CACHD1: variants seen among roughly 807,000 people sequenced by gnomAD.
CACHD1 encodes VWFA and cache domain-containing protein 1.
Under a neutral mutation model 138.7 loss-of-function variants are expected in CACHD1, and 71 were observed. That is an observed-to-expected ratio of 0.51 (90% CI 0.42 to 0.62). The LOEUF (loss-of-function observed/expected upper bound fraction) is 0.62. Among genes scored for constraint, CACHD1 ranks in the 20% least tolerant of loss-of-function variants. CACHD1 has a pLI of 0.00. For synonymous variants in CACHD1, 578 were observed against 591.5 expected (o/e 0.98, Z 0.33); for missense variants, 1,389 against 1,625.3 (o/e 0.85, Z 2.50).
At chr1:64,594,228 T>A (rs977500103) in intron 3 of CACHD1, among the ~76,000 whole-genome samples, 1 of 144,036 alleles carries the variant, frequency 6.9e-6, no homozygotes, top group Non-Finnish European at 1.5e-5. Context: ...CACTCCAGCC[T>A]GGGCAGCAAG....
intron 3 of CACHD1, among the ~76,000 whole-genome samples, chr1:64,601,799 C>T (rs564782514): frequency 1.3e-5 from 2 of 152,254 alleles, no homozygotes; most frequent in East Asian, 1.9e-4. Flanking sequence ...TTAGTGGTTC[C>T]TGAAGTTTAC....
intron 2 of CACHD1, among the ~76,000 whole-genome samples, chr1:64,571,729 C>CT (rs139468268): frequency 0.037 from 5,582 of 152,314 alleles, 130 homozygotes; most frequent in Middle Eastern, 0.085. Flanking sequence ...CAGTTATCCT[C>CT]TAACGGGAGG....
At chr1:64,599,599 A>G (rs905723145) in intron 3 of CACHD1, among the ~76,000 whole-genome samples, 8 of 152,330 alleles carry the variant, frequency 5.3e-5, no homozygotes, top group Non-Finnish European at 4.4e-5. Context: ...CAAGTACCAC[A>G]TGGTGAAACT....
At chr1:64,496,736 G>A (rs946303813) in intron 1 of CACHD1, among the ~76,000 whole-genome samples, 3 of 151,968 alleles carry the variant, frequency 2.0e-5, no homozygotes, top group Admixed American at 6.6e-5. Context: ...AGCCAACCTC[G>A]GAAAGCTTTA....
intron 4 of CACHD1, among the ~76,000 whole-genome samples, chr1:64,618,892 G>A (rs1458577945): frequency 6.6e-6 from 1 of 152,068 alleles, no homozygotes; most frequent in African/African-American, 2.4e-5. Context: ...TTTTCTGAGT[G>A]GTGTTGGGCT....
rs776209593 is a variant in CACHD1, at chr1:64,666,048, C to T, written c.2277-9C>T. The T allele has an allele frequency of 6.3e-5, 92 of 1,460,950 alleles. No individual in the cohort carries two copies. The East Asian group carries it at 1.8e-3, about 28-fold the overall frequency. 90.5% of individuals were successfully genotyped at this position (1,460,950 alleles called of 1,614,324 possible). A position where few individuals can be genotyped will look rare whatever the true frequency, so the allele number is the denominator to read the frequency against. ...ATAAAATAACATGACTTTCTTTGGT[C>T]TCCATTAGGTATCTCCATGCAGTAG... On this transcript the variant is annotated splice_polypyrimidine_tract_variant and intron_variant, in intron 15 of 26. Coordinates refer to ENST00000651257, the MANE Select transcript of CACHD1 (RefSeq NM_020925.4).
chr1:64,589,985 C>T (rs535239400), intron 3 of CACHD1, among the ~76,000 whole-genome samples: 3 of 152,170 alleles, frequency 2.0e-5, no homozygotes, highest in South Asian at 4.2e-4. Flanking sequence ...AACTTTCTAC[C>T]GTATTCTCCT....
At position 64,653,761 on chromosome 1, in the gene CACHD1, A is replaced by G. The variant is rs1649177530; in HGVS notation, c.1544A>G (p.Tyr515Cys). ...SYTFLIDDKG[Y>C]TLMHPSLTRP... ...GCATTTTGTTTTCTTATTGCAGGAT[A>G]TACACTTATGCACCCATCTCTTACC... is the stretch of plus-strand genomic sequence containing the variant. Residue 515 changes from tyrosine (Y) to cysteine (C), a missense_variant, in exon 11 of 27, where the codon TAT (tyrosine) becomes TGT (cysteine). Transcript: ENST00000651257. The G allele has an allele frequency of 6.2e-7, 1 of 1,611,768 alleles. No homozygotes were observed. The highest frequency in any genetic ancestry group is 8.5e-7 in the Non-Finnish European group (1 of 1,178,718).
rs749644576 is a variant in CACHD1 at position 64,652,260 on chromosome 1, C to T, written c.1490C>T (p.Thr497Met). Residue 497 changes from threonine (T) to methionine (M), a missense_variant, in exon 10 of 27, where the codon ACG becomes ATG. By Grantham distance (81) the Thr-to-Met change is moderately conservative. This residue lies in a region of CACHD1 where 1,000 missense variants were observed against 1,114.7 expected (regional missense o/e 0.90). Transcript: ENST00000651257. ...CTGGCTTACATTCTTGAAGACGTGA[C>T]GTATTACCAAGACTCTTTGGCTTCC... ...VNLAYILEDV[T>M]YYQDSLASYT... 8.7e-6 allele frequency: 14 copies of T among 1,613,470 alleles called. No individual in the cohort carries two copies. The highest frequency in any genetic ancestry group is 1.2e-5 in the Non-Finnish European group (14 of 1,179,626).
chr1:64,599,536 G>C (rs1647193466), intron 3 of CACHD1, among the ~76,000 whole-genome samples: 1 of 152,144 alleles, frequency 6.6e-6, no homozygotes, highest in Admixed American at 6.5e-5. Flanking sequence ...AGTTTCGTTA[G>C]AAGTGTAGGA....
At chr1:64,633,840 C>G (rs1402940663) in intron 6 of CACHD1, among the ~76,000 whole-genome samples, 1 of 152,120 alleles carries the variant, frequency 6.6e-6, no homozygotes, top group Non-Finnish European at 1.5e-5. Flanking sequence ...AAAAACCAAA[C>G]TCTAGGGGTT....
At chr1:64,547,749 A>G (rs1646728584) in intron 1 of CACHD1, among the ~76,000 whole-genome samples, 1 of 152,156 alleles carries the variant, frequency 6.6e-6, no homozygotes. Flanking sequence ...CTGGCTTCCC[A>G]TGGCATCTCA....
chr1:64,629,601 C>A, intron 5 of CACHD1, 120 bp downstream of exon 5: 1 of 1,216,710 alleles, frequency 8.2e-7, no homozygotes, highest in Non-Finnish European at 1.1e-6. Context: ...GAAATTTGTA[C>A]TTGTTCTGAA....
intron 1 of CACHD1, among the ~76,000 whole-genome samples, chr1:64,533,025 A>G (rs987606904): frequency 9.9e-5 from 15 of 152,284 alleles, no homozygotes; most frequent in Admixed American, 9.8e-4. Flanking sequence ...AATTACTTGA[A>G]TATGTGAGGC....
At chr1:64,652,516 G>A (rs1002925566) in intron 10 of CACHD1, among the ~76,000 whole-genome samples, 31 of 152,150 alleles carry the variant, frequency 2.0e-4, no homozygotes, top group Admixed American at 9.2e-4. Flanking sequence ...GAGGGGTAGG[G>A]AACGGTTATT....
rs1256667379 is a variant in CACHD1, at chr1:64,677,094, G to A, written c.3092+83G>A. 5.4e-6 allele frequency: 6 copies of A among 1,103,912 alleles called. No individual in the cohort carries two copies. The African/African-American group carries it at 6.3e-5, about 12-fold the overall frequency. The allele number at this position is 1,103,912 out of a possible 1,614,324, so 68.4% of individuals were successfully genotyped here. ...CTTCGTGTTTTAAAAAGGTATGTCA[G>A]TTTTTCAGATCTGAAACTGATTTCC... On this transcript the variant is annotated intron_variant, in intron 22 of 26. Coordinates refer to ENST00000651257, the MANE Select transcript of CACHD1 (RefSeq NM_020925.4).
intron 1 of CACHD1, among the ~76,000 whole-genome samples, chr1:64,516,449 A>T (rs1007692282): frequency 1.3e-5 from 2 of 152,216 alleles, no homozygotes; most frequent in African/African-American, 2.4e-5. Context: ...TTCATAAACA[A>T]AACACCCGGC....
intron 2 of CACHD1, among the ~76,000 whole-genome samples, chr1:64,574,227 T>C (rs1177781349): frequency 1.3e-5 from 2 of 152,314 alleles, no homozygotes; most frequent in East Asian, 3.9e-4. Context: ...CAGCACGAGC[T>C]TGGGCAAACC....
chr1:64,602,011 C>G (rs1393641060), intron 3 of CACHD1, among the ~76,000 whole-genome samples: 2 of 151,942 alleles, frequency 1.3e-5, no homozygotes, highest in Non-Finnish European at 2.9e-5. Context: ...GTATGTTTTC[C>G]TATTATATTC....
Sources: allele counts gnomAD v4.1 joint callset (sites outside exome capture counted in the v4.1 genomes callset), GRCh38; gene constraint gnomAD v4.1.1; regional missense constraint gnomAD v4.1.1; transcripts MANE v1.5; gene names NCBI Gene and HGNC (gene_info 2026-07-23, HGNC 2026-07-21).